Variants in NBEA observed in about 807,000 individuals in gnomAD.
The protein encoded by NBEA is neurobeachin, also known as lysosomal-trafficking regulator 2.
NBEA carries 44 observed loss-of-function variants against 343.4 expected under a neutral mutation model. The ratio of observed to expected loss-of-function variants is 0.13; its 90% CI spans 0.10 to 0.16. NBEA has a LOEUF of 0.16. Ranked by LOEUF, NBEA falls within the 10% of genes least tolerant of loss-of-function variation. The probability of loss-of-function intolerance (pLI) is 1.00; values close to 1 mark genes in which losing one functional copy is unlikely to be tolerated. For missense variants in NBEA, 2,555 were observed against 3,631.3 expected (o/e 0.70, Z 7.62); for synonymous variants, 1,175 against 1,238.7 (o/e 0.95, Z 1.08).
intron 1 of NBEA, among the ~76,000 whole-genome samples, chr13:35,003,544 A>G (rs2061216564): frequency 6.6e-6 from 1 of 152,176 alleles, no homozygotes; most frequent in African/African-American, 2.4e-5. Flanking sequence ...TAATGTGCAC[A>G]CATTTGATTT....
intron 49 of NBEA, among the ~76,000 whole-genome samples, chr13:35,630,581 A>T (rs921718884): frequency 6.6e-6 from 1 of 152,060 alleles, no homozygotes; most frequent in African/African-American, 2.4e-5. Flanking sequence ...CGAAGCACAT[A>T]ATTGCCAGAC....
chr13:35,173,719 T>G lies in NBEA; in HGVS notation c.4554+125T>G, dbSNP rs189964758. The G allele has an allele frequency of 2.2e-5, 17 of 766,290 alleles. No homozygotes were observed. In the African/African-American group the frequency reaches 2.9e-4, roughly 13 times the overall value. 47.5% of individuals were successfully genotyped at this position (766,290 alleles called of 1,614,324 possible). On this transcript the variant is annotated intron_variant, in intron 27 of 58. Transcript: ENST00000379939. ...AGCAAGGACATTGTCATTAGGCAGC[T>G]CTAGGCTGCTTAACAATTTTGTTAC...
At chr13:35,388,301 C>G (rs1044765232) in intron 38 of NBEA, among the ~76,000 whole-genome samples, 2 of 152,014 alleles carry the variant, frequency 1.3e-5, no homozygotes, top group Non-Finnish European at 2.9e-5. Context: ...TCTTGGAAAG[C>G]CTTCTGGGTG....
chr13:35,273,235 C>T (rs776485875), intron 34 of NBEA, among the ~76,000 whole-genome samples: 2 of 152,002 alleles, frequency 1.3e-5, no homozygotes, highest in African/African-American at 4.8e-5. Flanking sequence ...AAACTGAAGA[C>T]CCTGCACCTA....
intron 47 of NBEA, among the ~76,000 whole-genome samples, chr13:35,601,621 G>T (rs989804131): frequency 6.6e-6 from 1 of 151,796 alleles, no homozygotes. Flanking sequence ...AATTAGCCAG[G>T]TGTGGTGGCA....
intron 1 of NBEA, among the ~76,000 whole-genome samples, chr13:35,028,026 C>T (rs2062074561): frequency 1.3e-5 from 2 of 151,872 alleles, no homozygotes; most frequent in South Asian, 2.1e-4. Flanking sequence ...GCTTATGCTT[C>T]ATGATCTATG....
chr13:35,193,277 C>T (rs1035435350), intron 30 of NBEA, among the ~76,000 whole-genome samples: 2 of 151,810 alleles, frequency 1.3e-5, no homozygotes, highest in African/African-American at 4.8e-5. Context: ...TCTTCTCATT[C>T]TAGATTTGTA....
At chr13:35,310,183 G>A (rs982901355) in intron 36 of NBEA, among the ~76,000 whole-genome samples, 1 of 152,022 alleles carries the variant, frequency 6.6e-6, no homozygotes, top group Non-Finnish European at 1.5e-5. Context: ...AGAATGCACG[G>A]TTTCAGAAAG....
At chr13:35,185,981 A>C (rs1413883261) in intron 30 of NBEA, 1 of 152,078 alleles carries the variant, frequency 6.6e-6, no homozygotes, top group African/African-American at 2.4e-5. Context: ...TTAGAGGTAC[A>C]CAATTTCTGT....
At chr13:35,068,991 C>A (rs941180053) in intron 8 of NBEA, among the ~76,000 whole-genome samples, 3 of 151,968 alleles carry the variant, frequency 2.0e-5, no homozygotes, top group African/African-American at 7.2e-5. Flanking sequence ...TTTAATTTAA[C>A]CTTATAACAT....
At chr13:35,435,549 G>A (rs1427640229) in intron 39 of NBEA, among the ~76,000 whole-genome samples, 2 of 151,964 alleles carry the variant, frequency 1.3e-5, no homozygotes, top group Non-Finnish European at 2.9e-5. Flanking sequence ...GCAGGAGTGG[G>A]GTGGGGGGGG....
chr13:35,458,412 G>A (rs1282424540), intron 40 of NBEA, among the ~76,000 whole-genome samples: 6 of 152,080 alleles, frequency 3.9e-5, no homozygotes, highest in African/African-American at 1.4e-4. Context: ...ATCTCCTAAC[G>A]CAATTATTTG....
chr13:34,983,170 C>T (rs868407724), intron 1 of NBEA, among the ~76,000 whole-genome samples: 91 of 152,272 alleles, frequency 6.0e-4, no homozygotes, highest in African/African-American at 2.0e-3. Context: ...ATACCTCCCC[C>T]TGACCCCCAC....
chr13:35,421,155 T>C (rs899565823), intron 38 of NBEA, among the ~76,000 whole-genome samples: 3 of 152,026 alleles, frequency 2.0e-5, no homozygotes, highest in African/African-American at 7.2e-5. Context: ...ACTTTACTTG[T>C]GTCCAACAAG....
chr13:34,960,374 A>G (rs1032694277), intron 1 of NBEA, among the ~76,000 whole-genome samples: 1 of 152,148 alleles, frequency 6.6e-6, no homozygotes, highest in Admixed American at 6.6e-5. Flanking sequence ...AAAAAAGTTT[A>G]TAGTAAGCTA....
chr13:35,566,238 G>A (rs184130942), intron 44 of NBEA, among the ~76,000 whole-genome samples: 2 of 152,166 alleles, frequency 1.3e-5, no homozygotes, highest in East Asian at 3.9e-4. Flanking sequence ...GCGCGTGCCT[G>A]TAATCCCAGC....
chr13:34,960,090 G>A (rs1176424178), intron 1 of NBEA, among the ~76,000 whole-genome samples: 1 of 152,070 alleles, frequency 6.6e-6, no homozygotes, highest in East Asian at 1.9e-4. Context: ...CAGCTCCATG[G>A]GTGTTGTTGC....
intron 1 of NBEA, among the ~76,000 whole-genome samples, chr13:35,015,207 C>A (rs963448136): frequency 7.0e-6 from 1 of 142,612 alleles, no homozygotes; most frequent in African/African-American, 2.6e-5. Context: ...CCCATTGAAT[C>A]TGATTTGAAT....
At chr13:35,451,304 T>C (rs1230635910) in intron 39 of NBEA, among the ~76,000 whole-genome samples, 1 of 152,126 alleles carries the variant, frequency 6.6e-6, no homozygotes, top group Non-Finnish European at 1.5e-5. Context: ...TTTGCGTTTT[T>C]AGTAGAGACG....
Sources: gnomAD v4.1 joint callset for allele counts (sites outside exome capture counted in the v4.1 genomes callset) on GRCh38, gnomAD v4.1.1 for gene constraint, MANE v1.5 for transcripts, NCBI Gene and HGNC (gene_info 2026-07-23, HGNC 2026-07-21) for gene names.